The following CACNA2D3 variants were observed in gnomAD, a reference collection of about 807,000 sequenced individuals.
CACNA2D3 encodes the protein calcium voltage-gated channel auxiliary subunit alpha2delta 3, also known as voltage-dependent calcium channel subunit alpha-2/delta-3.
Under a neutral mutation model 160.6 loss-of-function variants are expected in CACNA2D3, and 60 were observed. That is an observed-to-expected ratio of 0.37 (90% confidence interval 0.30 to 0.46). The LOEUF (loss-of-function observed/expected upper bound fraction) is 0.46, where lower values mean the gene tolerates loss of function less well. Ranked by LOEUF, CACNA2D3 falls within the 20% of genes least tolerant of loss-of-function variation. The pLI, the probability that CACNA2D3 is intolerant of heterozygous loss-of-function variation, is 1.00. For missense variants in CACNA2D3, 1,205 were observed against 1,365.0 expected, an observed-to-expected ratio of 0.88 and a Z score of 1.85; for synonymous variants, 558 against 492.9, an observed-to-expected ratio of 1.13 and a Z score of -1.75.
intron 3 of CACNA2D3, among the ~76,000 whole-genome samples, chr3:54,361,252 C>G (rs1223502822): frequency 6.6e-6 from 1 of 151,356 alleles, no homozygotes; most frequent in Non-Finnish European, 1.5e-5. Flanking sequence ...GGTGTGGAAC[C>G]TGTCAAGTGG....
At chr3:54,330,686 A>T (rs1219260578) in intron 3 of CACNA2D3, among the ~76,000 whole-genome samples, 3 of 152,238 alleles carry the variant, frequency 2.0e-5, no homozygotes, top group Non-Finnish European at 4.4e-5. Context: ...AGACTGGAGC[A>T]CAGTCAGACT....
Position 55,018,280 on chromosome 3 carries a change from G to A in CACNA2D3, c.2950G>A (p.Glu984Lys). The change falls in exon 35 of 38, where the codon GAG (glutamate) becomes AAG (lysine). Residue 984 changes from glutamate (E) to lysine (K), a missense_variant. Glu to Lys is a moderately conservative substitution (Grantham distance 56). Coordinates refer to ENST00000474759, the MANE Select transcript of CACNA2D3 (RefSeq NM_018398.3). ...ATTCGTCTCTGAGCGCACCATCAAG[G>A]AGACTACAGGGAATATTGCTTGTGA... ...PAFVSERTIK[E>K]TTGNIACEDC... The A allele has an allele frequency of 6.2e-7, 1 of 1,612,928 alleles. No individual in the cohort carries two copies. The highest frequency in any genetic ancestry group is 8.5e-7 in the Non-Finnish European group (1 of 1,179,164).
chr3:54,342,096 G>A (rs1380670242), intron 3 of CACNA2D3, among the ~76,000 whole-genome samples: 1 of 152,040 alleles, frequency 6.6e-6, no homozygotes, highest in Non-Finnish European at 1.5e-5. Flanking sequence ...GGGTGAGCTT[G>A]GACTTGAAAG....
At chr3:54,803,903 A>G (rs905389569) in intron 13 of CACNA2D3, among the ~76,000 whole-genome samples, 7 of 152,362 alleles carry the variant, frequency 4.6e-5, no homozygotes, top group African/African-American at 1.7e-4. Flanking sequence ...CCAATATTCA[A>G]CATTCTTAAA....
chr3:54,307,689 T>C (rs943841435), intron 2 of CACNA2D3, among the ~76,000 whole-genome samples: 1 of 152,226 alleles, frequency 6.6e-6, no homozygotes, highest in Non-Finnish European at 1.5e-5. Context: ...ATTCTGGCTT[T>C]TGGCCCTGTA....
At chr3:54,880,722 T>G in intron 20 of CACNA2D3, 74 bp from the exon 21 acceptor site, 2 of 1,268,698 alleles carry the variant, frequency 1.6e-6, no homozygotes, top group Non-Finnish European at 2.3e-6. Context: ...AATGGAAAAT[T>G]AAAAAATGTT....
In CACNA2D3 at chr3:54,719,392, G is replaced by A. The variant is rs529977706; in HGVS notation, c.1168-33207G>A. ...ATGTGAATGGATGTTGAATTTTGTC[G>A]AGTGCTTGTGCACCTATTAAAATTA... On this transcript the variant is annotated intron_variant, in intron 11 of 37. Coordinates refer to ENST00000474759, the MANE Select transcript of CACNA2D3 (RefSeq NM_018398.3). 2.6e-5 allele frequency among the ~76,000 whole-genome samples: 4 copies of A among 151,632 alleles called. No homozygotes were observed. The South Asian group carries it at 8.3e-4, about 32-fold the overall frequency.
chr3:54,266,877 A>C (rs1702526049), intron 2 of CACNA2D3, among the ~76,000 whole-genome samples: 1 of 152,134 alleles, frequency 6.6e-6, no homozygotes, highest in African/African-American at 2.4e-5. Flanking sequence ...GGAGCAGGCA[A>C]AGCAGGCCCT....
At chr3:55,051,241 A>T (rs1704200138) in intron 35 of CACNA2D3, among the ~76,000 whole-genome samples, 2 of 151,882 alleles carry the variant, frequency 1.3e-5, no homozygotes, top group African/African-American at 4.8e-5. Flanking sequence ...GGTTTTATCT[A>T]CTTTTGGTCT....
chr3:54,197,591 G>A (rs12637828), intron 2 of CACNA2D3: 28,564 of 152,130 alleles, frequency 0.19, 2,982 homozygotes, highest in East Asian at 0.39. Context: ...AGGATGACTT[G>A]CAGGTAAAAT....
At chr3:54,710,822 C>A (rs1700939374) in intron 11 of CACNA2D3, among the ~76,000 whole-genome samples, 1 of 152,092 alleles carries the variant, frequency 6.6e-6, no homozygotes, top group African/African-American at 2.4e-5. Flanking sequence ...ACCTTACAAC[C>A]ATTACTATAG....
intron 4 of CACNA2D3, among the ~76,000 whole-genome samples, chr3:54,461,718 A>G (rs971281523): frequency 6.6e-6 from 1 of 151,748 alleles, no homozygotes; most frequent in Non-Finnish European, 1.5e-5. Context: ...TGATCCTTTC[A>G]AAAAACCAGC....
intron 4 of CACNA2D3, among the ~76,000 whole-genome samples, chr3:54,422,144 A>C (rs756930805): frequency 7.2e-5 from 11 of 152,192 alleles, no homozygotes; most frequent in South Asian, 2.1e-4. Flanking sequence ...TAAAGCAGTT[A>C]ATTGAACCTG....
At chr3:54,360,537 C>T (rs1205666064) in intron 3 of CACNA2D3, among the ~76,000 whole-genome samples, 5 of 152,032 alleles carry the variant, frequency 3.3e-5, no homozygotes, top group Non-Finnish European at 7.4e-5. Flanking sequence ...ATCGAGAGGC[C>T]ACCTTGTCCT....
intron 5 of CACNA2D3, among the ~76,000 whole-genome samples, chr3:54,515,150 A>G: frequency 6.7e-6 from 1 of 149,994 alleles, no homozygotes; most frequent in Admixed American, 6.7e-5. Flanking sequence ...AAGAAAATGC[A>G]TAGTAAAATC....
chr3:54,737,024 T>A (rs1701547073), intron 11 of CACNA2D3, among the ~76,000 whole-genome samples: 1 of 152,212 alleles, frequency 6.6e-6, no homozygotes, highest in South Asian at 2.1e-4. Flanking sequence ...TTTTAGCATG[T>A]TCTTACTCCT....
chr3:55,031,960 T>C (rs1449093450), intron 35 of CACNA2D3, among the ~76,000 whole-genome samples: 2 of 152,222 alleles, frequency 1.3e-5, no homozygotes, highest in African/African-American at 4.8e-5. Flanking sequence ...TCCATTTCTA[T>C]TGAAGTAGGT....
At chr3:54,888,074 C>T (rs118029743) in intron 24 of CACNA2D3, 22 bp downstream of exon 24, 113 of 1,541,272 alleles carry the variant, frequency 7.3e-5, no homozygotes, top group Non-Finnish European at 9.4e-5. Context: ...CACGTGTCCT[C>T]GTTTCATGGC....
At chr3:54,456,710 C>G (rs2106830330) in intron 4 of CACNA2D3, among the ~76,000 whole-genome samples, 1 of 152,024 alleles carries the variant, frequency 6.6e-6, no homozygotes, top group Non-Finnish European at 1.5e-5. Context: ...AAAAGTTGAG[C>G]AGTGAAACCA....
Sources: gnomAD v4.1 joint callset for allele counts (sites outside exome capture counted in the v4.1 genomes callset) on GRCh38, gnomAD v4.1.1 for gene constraint, MANE v1.5 for transcripts, NCBI Gene and HGNC (gene_info 2026-07-23, HGNC 2026-07-21) for gene names.